Variants in SNTG1 observed in about 807,000 individuals in gnomAD.
The protein encoded by SNTG1 is syntrophin gamma 1, also known as gamma-1-syntrophin.
A neutral mutation model predicts 74.7 loss-of-function variants in SNTG1; 39 were observed. The observed-to-expected ratio is 0.52, with a 90% CI of 0.40 to 0.68. The LOEUF (loss-of-function observed/expected upper bound fraction) is 0.68. Among genes scored for constraint, SNTG1 ranks in the 30% least tolerant of loss-of-function variants. The probability of loss-of-function intolerance (pLI) is 0.00; values close to 1 mark genes in which losing one functional copy is unlikely to be tolerated. For synonymous variants in SNTG1, 254 were observed against 217.1 expected (o/e 1.17, Z -1.49); for missense variants, 685 against 609.5 (o/e 1.12, Z -1.30).
At chr8:50,604,934 G>C (rs1467206993) in intron 13 of SNTG1, among the ~76,000 whole-genome samples, 1 of 152,126 alleles carries the variant, frequency 6.6e-6, no homozygotes, top group East Asian at 1.9e-4. Flanking sequence ...GTTATTCAGG[G>C]CCCAAAGGTT....
chr8:49,936,923 C>T (rs1202124978), intron 1 of SNTG1, among the ~76,000 whole-genome samples: 1 of 152,178 alleles, frequency 6.6e-6, no homozygotes, highest in East Asian at 1.9e-4. Flanking sequence ...CCGAGGTGGG[C>T]AGATCATCTG....
chr8:50,285,059 A>C (rs1438723364), intron 2 of SNTG1, among the ~76,000 whole-genome samples: 2 of 152,132 alleles, frequency 1.3e-5, no homozygotes, highest in African/African-American at 4.8e-5. Flanking sequence ...CATTGAATTA[A>C]GAAGTAGATG....
chr8:50,743,358 C>T (rs117081322), intron 17 of SNTG1, among the ~76,000 whole-genome samples: 3,803 of 151,844 alleles, frequency 0.025, 63 homozygotes, highest in Middle Eastern at 0.041. Flanking sequence ...ATATGTAAAT[C>T]AATCAATGTA....
intron 5 of SNTG1, among the ~76,000 whole-genome samples, chr8:50,446,897 A>T (rs901864574): frequency 2.0e-5 from 3 of 152,234 alleles, no homozygotes; most frequent in Non-Finnish European, 4.4e-5. Flanking sequence ...CTTACACTGC[A>T]TATAACATAT....
intron 9 of SNTG1, among the ~76,000 whole-genome samples, chr8:50,529,235 G>A (rs988831059): frequency 9.2e-5 from 14 of 151,942 alleles, no homozygotes; most frequent in Non-Finnish European, 1.3e-4. Flanking sequence ...AAAACATAGT[G>A]TGATATTCTT....
chr8:50,361,336 G>A (rs775536830), intron 2 of SNTG1, among the ~76,000 whole-genome samples: 8 of 152,266 alleles, frequency 5.3e-5, no homozygotes, highest in Non-Finnish European at 7.4e-5. Context: ...CCTCTGGAAG[G>A]ATGTGCCTGA....
chr8:50,718,731 A>G (rs954986961), intron 17 of SNTG1, among the ~76,000 whole-genome samples: 16 of 152,262 alleles, frequency 1.1e-4, no homozygotes, highest in Admixed American at 5.9e-4. Flanking sequence ...AGCCCGGTCC[A>G]TAGAATTTGC....
At chr8:50,494,454 A>G (rs1362936438) in intron 8 of SNTG1, among the ~76,000 whole-genome samples, 1 of 151,978 alleles carries the variant, frequency 6.6e-6, no homozygotes, top group Non-Finnish European at 1.5e-5. Flanking sequence ...ATGATTTTCT[A>G]CTGGAATCAT....
intron 15 of SNTG1, among the ~76,000 whole-genome samples, chr8:50,667,496 C>A (rs1213451995): frequency 6.6e-6 from 1 of 151,972 alleles, no homozygotes; most frequent in Admixed American, 6.6e-5. Context: ...CAGAGGGAAG[C>A]ATCACAAGGA....
chr8:50,550,975 A>G (rs1375049197), intron 11 of SNTG1, among the ~76,000 whole-genome samples: 1 of 152,162 alleles, frequency 6.6e-6, no homozygotes, highest in Non-Finnish European at 1.5e-5. Flanking sequence ...AATCAAGAGC[A>G]TATTGATGGA....
At chr8:50,550,471 AT>A (rs1420054896) in intron 11 of SNTG1, among the ~76,000 whole-genome samples, 1 of 152,142 alleles carries the variant, frequency 6.6e-6, no homozygotes, top group Non-Finnish European at 1.5e-5. Context: ...TTATTCATGA[AT>A]TTGTATAGTG....
At chr8:50,368,749 G>A (rs891182649) in intron 2 of SNTG1, among the ~76,000 whole-genome samples, 22 of 152,154 alleles carry the variant, frequency 1.4e-4, no homozygotes, top group African/African-American at 5.3e-4. Context: ...CTCCTTAACA[G>A]GATATGGAAA....
chr8:50,677,643 G>T (rs539415753), intron 15 of SNTG1, among the ~76,000 whole-genome samples: 2 of 151,898 alleles, frequency 1.3e-5, no homozygotes, highest in Admixed American at 6.6e-5. Context: ...TTGTAAAACT[G>T]TTTGACCTTC....
Position 50,581,047 on chromosome 8 carries a change from G to A in SNTG1, c.811-9832G>A, listed in dbSNP as rs192512116. ...TGTGTAATTACTTAAGTAAAAAATG[G>A]CCATTTCAAATTTACATTTTTAAAA... On this transcript the variant is annotated intron_variant, in intron 12 of 18. Coordinates refer to ENST00000642720, the MANE Select transcript of SNTG1 (RefSeq NM_018967.5). Among the ~76,000 whole-genome samples, 656 of 152,224 alleles carry A rather than the reference G, an allele frequency of 4.3e-3. 10 individuals carry two copies. The highest frequency in any genetic ancestry group is 0.014 in the African/African-American group (595 of 41,538).
At chr8:49,938,155 C>T (rs1299195208) in intron 1 of SNTG1, among the ~76,000 whole-genome samples, 2 of 152,094 alleles carry the variant, frequency 1.3e-5, no homozygotes, top group South Asian at 4.1e-4. Context: ...GACTATTAAC[C>T]TCCATTGGCT....
At chr8:50,741,498 C>T (rs542360484) in intron 17 of SNTG1, among the ~76,000 whole-genome samples, 113 of 152,174 alleles carry the variant, frequency 7.4e-4, no homozygotes, top group African/African-American at 2.5e-3. Context: ...ACAAAACATA[C>T]TGTTACCATC....
intron 2 of SNTG1, among the ~76,000 whole-genome samples, chr8:50,272,938 C>G (rs1338361904): frequency 2.0e-5 from 3 of 151,340 alleles, no homozygotes; most frequent in African/African-American, 7.3e-5. Context: ...GAGACAGAGT[C>G]TCGCTATATT....
intron 1 of SNTG1, among the ~76,000 whole-genome samples, chr8:50,101,706 C>A (rs2080131676): frequency 2.0e-5 from 3 of 152,120 alleles, no homozygotes; most frequent in Admixed American, 2.0e-4. Context: ...TATCCCTCCC[C>A]CCTCCTCCCA....
At chr8:50,638,494 T>A (rs1162681381) in intron 13 of SNTG1, among the ~76,000 whole-genome samples, 1 of 152,094 alleles carries the variant, frequency 6.6e-6, no homozygotes, top group Non-Finnish European at 1.5e-5. Flanking sequence ...AATCAAGAAG[T>A]AGAGTTACAA....
Sources: allele counts gnomAD v4.1 joint callset (sites outside exome capture counted in the v4.1 genomes callset), GRCh38; gene constraint gnomAD v4.1.1; transcripts MANE v1.5; gene names NCBI Gene and HGNC (gene_info 2026-07-23, HGNC 2026-07-21).